The following CTNNA2 variants were observed in gnomAD, a reference collection of about 807,000 sequenced individuals.
CTNNA2 encodes the protein catenin alpha 2.
Under a neutral mutation model 101.0 loss-of-function variants are expected in CTNNA2, and 42 were observed. That is an observed-to-expected ratio of 0.42 (90% confidence interval 0.32 to 0.54). The LOEUF is 0.54. Ranked by LOEUF, CTNNA2 falls within the 20% of genes least tolerant of loss-of-function variation. The pLI, the probability that CTNNA2 is intolerant of heterozygous loss-of-function variation, is 0.14. For synonymous variants in CTNNA2, 450 were observed against 456.4 expected, an observed-to-expected ratio of 0.99 and a Z score of 0.18; for missense variants, 871 against 1,223.1, an observed-to-expected ratio of 0.71 and a Z score of 4.29.
chr2:79,216,266 T>C (rs2104211070), intron 2 of CTNNA2, among the ~76,000 whole-genome samples: 1 of 151,354 alleles, frequency 6.6e-6, no homozygotes, highest in Non-Finnish European at 1.5e-5. Context: ...GAACACAGGC[T>C]AAGGGAGAAG....
At chr2:79,789,195 G>A (rs1176425704) in intron 3 of CTNNA2, among the ~76,000 whole-genome samples, 1 of 152,190 alleles carries the variant, frequency 6.6e-6, no homozygotes. Context: ...TCAGGGAAAT[G>A]TTCCTAGAGG....
intron 1 of CTNNA2, among the ~76,000 whole-genome samples, chr2:79,611,020 T>C (rs968549787): frequency 4.6e-5 from 7 of 152,122 alleles, no homozygotes; most frequent in Non-Finnish European, 1.5e-5. Context: ...ATATATGTAG[T>C]AAACCATCTG....
At chr2:80,057,324 G>A (rs1478061485) in intron 7 of CTNNA2, among the ~76,000 whole-genome samples, 1 of 152,072 alleles carries the variant, frequency 6.6e-6, no homozygotes, top group Non-Finnish European at 1.5e-5. Context: ...GAAATCACTT[G>A]TTGTTCAATA....
At chr2:80,428,556 G>A (rs1681198615) in intron 9 of CTNNA2, among the ~76,000 whole-genome samples, 1 of 152,152 alleles carries the variant, frequency 6.6e-6, no homozygotes, top group Non-Finnish European at 1.5e-5. Flanking sequence ...ATAAGCTGCA[G>A]TGACATAATC....
At chr2:80,088,880 G>A (rs1699606224) in intron 7 of CTNNA2, among the ~76,000 whole-genome samples, 2 of 152,118 alleles carry the variant, frequency 1.3e-5, no homozygotes, top group East Asian at 3.9e-4. Flanking sequence ...TCTTCTGTTA[G>A]TGTTTCTTTC....
chr2:79,894,482 C>T (rs970695522), intron 6 of CTNNA2, among the ~76,000 whole-genome samples: 2 of 152,120 alleles, frequency 1.3e-5, no homozygotes, highest in African/African-American at 2.4e-5. Context: ...TCCGTAGGTC[C>T]CTGCATACAT....
chr2:80,375,197 C>T (rs1034040818), intron 7 of CTNNA2, among the ~76,000 whole-genome samples: 2 of 152,108 alleles, frequency 1.3e-5, no homozygotes, highest in African/African-American at 4.8e-5. Flanking sequence ...TGGTTAATCA[C>T]AGGAGAACGG....
chr2:79,492,480 G>C (rs769016285), intron 4 of CTNNA2, among the ~76,000 whole-genome samples: 16 of 152,080 alleles, frequency 1.1e-4, no homozygotes, highest in Non-Finnish European at 1.9e-4. Context: ...TAATTAAACT[G>C]TTTAAATAGG....
Position 80,498,893 on chromosome 2 carries a change from T to C in CTNNA2, c.1291-46089T>C, listed in dbSNP as rs554643500. Among the ~76,000 whole-genome samples the C allele has an allele frequency of 3.0e-4, 45 of 152,254 alleles. No individual in the cohort carries two copies. In the South Asian group the frequency reaches 8.1e-3, roughly 27 times the overall value. ...GAGCTATATTTACAGCTCTGTGAGGTAGATAAATTCACAGCATAAAATAAT... is the reference window on the plus strand; with the variant it reads ...GAGCTATATTTACAGCTCTGTGAGGCAGATAAATTCACAGCATAAAATAAT... On this transcript the variant is annotated intron_variant, in intron 9 of 18. Transcript: ENST00000402739.
chr2:79,811,769 G>A (rs548859482), intron 3 of CTNNA2, among the ~76,000 whole-genome samples: 41 of 152,228 alleles, frequency 2.7e-4, no homozygotes, highest in African/African-American at 9.9e-4. Context: ...GAAGAATTCT[G>A]CTATGATTCA....
intron 3 of CTNNA2, among the ~76,000 whole-genome samples, chr2:79,750,049 G>A (rs144930467): frequency 7.9e-4 from 121 of 152,248 alleles, no homozygotes; most frequent in African/African-American, 2.7e-3. Context: ...CGTGGTGTCC[G>A]CAAACTATGA....
intron 7 of CTNNA2, among the ~76,000 whole-genome samples, chr2:80,331,459 A>G (rs1221342738): frequency 2.6e-5 from 4 of 152,156 alleles, no homozygotes; most frequent in African/African-American, 9.7e-5. Context: ...TTGCACATCA[A>G]AGCACTACCT....
rs1491241171 is a variant in CTNNA2 at position 79,930,274 on chromosome 2, GAA to G, written c.1056+20479_1056+20480del. Among the ~76,000 whole-genome samples, 104 of 12,186 alleles carry G rather than the reference GAA, an allele frequency of 8.5e-3. 1 individual carries two copies. The highest frequency in any genetic ancestry group is 0.042 in the Middle Eastern group (1 of 24). The allele number at this position is 12,186 out of a possible 152,430, so 8.0% of individuals were successfully genotyped here. On this transcript the variant is annotated intron_variant, in intron 7 of 18. Transcript: ENST00000402739. ...AGAAAGAAAGAAAGAAAGAAAGAAA[GAA>G]AGAGAGAGAGAGAGAAAGAGAAAGA... is the stretch of plus-strand genomic sequence containing the variant.
intron 1 of CTNNA2, among the ~76,000 whole-genome samples, chr2:79,535,478 A>G (rs1370878620): frequency 1.3e-5 from 2 of 152,100 alleles, no homozygotes; most frequent in African/African-American, 2.4e-5. Context: ...TGCTAGGATT[A>G]CAGGGGTGAG....
In CTNNA2 at chr2:80,112,310, T is replaced by G. The variant is rs138716609; in HGVS notation, c.1056+202513T>G. Among the ~76,000 whole-genome samples, 1,009 of 152,308 alleles carry G rather than the reference T, an allele frequency of 6.6e-3. 10 individuals are homozygous for G. Among genetic ancestry groups the G allele is most frequent in the African/African-American group, 0.023 (945 of 41,552 alleles). ...ATTTTGATATTCATACTTAAATTTT[T>G]GTTAGAACACAAATACTCTCATTCA... On this transcript the variant is annotated intron_variant, in intron 7 of 18. Coordinates refer to ENST00000402739, the MANE Select transcript of CTNNA2 (RefSeq NM_001282597.3).
At chr2:80,096,076 G>C (rs1573061392) in intron 7 of CTNNA2, among the ~76,000 whole-genome samples, 1 of 151,532 alleles carries the variant, frequency 6.6e-6, no homozygotes. Flanking sequence ...TGCTTCTCTA[G>C]TTCTTTTAAT....
At chr2:80,434,856 T>A (rs41376844) in intron 9 of CTNNA2, among the ~76,000 whole-genome samples, 5,258 of 152,274 alleles carry the variant, frequency 0.035, 164 homozygotes, top group East Asian at 0.15. Flanking sequence ...GTGCAATATG[T>A]CAGGGCACTA....
chr2:80,332,546 G>C (rs1375205060), intron 7 of CTNNA2, among the ~76,000 whole-genome samples: 5 of 152,168 alleles, frequency 3.3e-5, no homozygotes, highest in African/African-American at 1.2e-4. Context: ...AAATTTATTA[G>C]TGAGAGAACA....
At chr2:80,314,372 C>A (rs570105313) in intron 7 of CTNNA2, among the ~76,000 whole-genome samples, 1 of 152,136 alleles carries the variant, frequency 6.6e-6, no homozygotes, top group Non-Finnish European at 1.5e-5. Flanking sequence ...TACCAGTTTG[C>A]AGAGCCTCTA....
Sources: gnomAD v4.1 joint callset for allele counts (sites outside exome capture counted in the v4.1 genomes callset) on GRCh38, gnomAD v4.1.1 for gene constraint, MANE v1.5 for transcripts, NCBI Gene and HGNC (gene_info 2026-07-23, HGNC 2026-07-21) for gene names.